The following EPG5 variants were observed in gnomAD, a reference collection of about 807,000 sequenced individuals.
EPG5 encodes the protein ectopic P granules protein 5 homolog.
EPG5 carries 159 observed loss-of-function variants against 302.7 expected under a neutral mutation model. That is an observed-to-expected ratio of 0.53 (90% CI 0.46 to 0.60). EPG5 has a LOEUF of 0.60. Ranked by LOEUF, EPG5 falls within the 20% of genes least tolerant of loss-of-function variation. The pLI is 0.00. For missense variants in EPG5, 2,896 were observed against 3,092.4 expected, an observed-to-expected ratio of 0.94 and a Z score of 1.51; for synonymous variants, 1,158 against 1,136.8, an observed-to-expected ratio of 1.02 and a Z score of -0.37.
intron 12 of EPG5, 101 bp from the exon 13 acceptor site, chr18:45,929,110 A>G: frequency 1.6e-6 from 2 of 1,229,664 alleles, no homozygotes; most frequent in Admixed American, 2.3e-5. Context: ...AGAATCTTAC[A>G]TTGAGCCTTA....
the EPG5 span, among the ~76,000 whole-genome samples, chr18:45,830,120 G>A: frequency 5.5e-4 from 66 of 119,570 alleles, no homozygotes; most frequent in African/African-American, 2.0e-3. Context: ...GCGTGACTAC[G>A]CCCACAGAAG....
At chr18:45,811,127 C>T in the EPG5 span, among the ~76,000 whole-genome samples, 1 of 152,132 alleles carries the variant, frequency 6.6e-6, no homozygotes. Context: ...CCCACTCTCA[C>T]CACTCCTCTT....
rs746441691 is a variant in EPG5 at position 45,910,624 on chromosome 18, T to C, written c.4102A>G (p.Lys1368Glu). ...CCCTCTGCTGGAACACGGAGGGCCTTGCTTGCAGCATGGTGGAAGTCAGCC... is the reference window on the plus strand; with the variant it reads ...CCCTCTGCTGGAACACGGAGGGCCTCGCTTGCAGCATGGTGGAAGTCAGCC... Reference protein sequence around the residue: ...EVADFHHAASKALRVPAEGSE... With the variant: ...EVADFHHAASEALRVPAEGSE... The change falls in exon 23 of 44, where the codon AAG becomes GAG. Residue 1368 changes from lysine (K) to glutamate (E), a missense_variant. Lys to Glu is a moderately conservative substitution (Grantham distance 56). This residue lies in a region of EPG5 where 790 missense variants were observed against 798.0 expected (regional missense o/e 0.99). Coordinates refer to ENST00000282041, the MANE Select transcript of EPG5 (RefSeq NM_020964.3). The C allele has an allele frequency of 1.2e-6, 2 of 1,614,198 alleles. No individual in the cohort carries two copies. Among genetic ancestry groups the C allele is most frequent in the Admixed American group, 3.3e-5 (2 of 60,028 alleles).
chr18:45,885,114 G>A (rs904547453), intron 29 of EPG5, among the ~76,000 whole-genome samples: 3 of 152,112 alleles, frequency 2.0e-5, no homozygotes, highest in Non-Finnish European at 2.9e-5. Flanking sequence ...CGAGGCAGGC[G>A]GATCACCTGA....
At chr18:45,933,430 G>C (rs923361858) in intron 11 of EPG5, among the ~76,000 whole-genome samples, 3 of 152,206 alleles carry the variant, frequency 2.0e-5, no homozygotes, top group African/African-American at 7.2e-5. Flanking sequence ...TATTATCCCA[G>C]CGTTTTGGGA....
intron 9 of EPG5, among the ~76,000 whole-genome samples, chr18:45,942,816 G>A (rs1337891643): frequency 6.6e-5 from 10 of 152,006 alleles, no homozygotes; most frequent in Non-Finnish European, 8.8e-5. Context: ...AAGAAAAGCA[G>A]TACATATTCT....
At chr18:45,825,621 G>A in the EPG5 span, 1 of 1,179,342 alleles carries the variant, frequency 8.5e-7, no homozygotes, top group Non-Finnish European at 1.2e-6. Context: ...AGATCTGAGT[G>A]CCCTGCCCAC....
intron 35 of EPG5, among the ~76,000 whole-genome samples, chr18:45,873,420 G>A (rs928773823): frequency 2.0e-5 from 3 of 151,902 alleles, no homozygotes; most frequent in African/African-American, 7.3e-5. Flanking sequence ...TGAGGCAGGA[G>A]AATCGCCTGA....
At chr18:45,911,929 C>A (rs1015640484) in intron 22 of EPG5, among the ~76,000 whole-genome samples, 1 of 152,126 alleles carries the variant, frequency 6.6e-6, no homozygotes, top group South Asian at 2.1e-4. Context: ...CACACGCGCA[C>A]CACTCATCAC....
rs535483536 is a variant in EPG5, at chr18:45,870,511, C to T, written c.6225+56G>A. On this transcript the variant is annotated intron_variant, in intron 36 of 43. Coordinates refer to ENST00000282041, the MANE Select transcript of EPG5 (RefSeq NM_020964.3). Reference sequence around the variant, plus strand: ...ATGCCTAACAACCACAGTGACCAGGCTGCTCCCTAGAAGCCAGATCTCTCT... The same window carrying T: ...ATGCCTAACAACCACAGTGACCAGGTTGCTCCCTAGAAGCCAGATCTCTCT... 33 of 1,517,114 alleles carry T rather than the reference C, an allele frequency of 2.2e-5. No homozygotes were observed. The East Asian group carries it at 7.5e-4, about 35-fold the overall frequency. 94.0% of individuals were successfully genotyped at this position (1,517,114 alleles called of 1,614,324 possible).
downstream of EPG5, among the ~76,000 whole-genome samples, chr18:45,847,219 T>C (rs966989701): frequency 1.3e-5 from 2 of 152,164 alleles, no homozygotes; most frequent in African/African-American, 4.8e-5. Flanking sequence ...AAAATAACAC[T>C]AAAGAGAACT....
At chr18:45,911,078 T>TACACACACACACAC (rs34212851) in intron 22 of EPG5, among the ~76,000 whole-genome samples, 1 of 135,334 alleles carries the variant, frequency 7.4e-6, no homozygotes, top group African/African-American at 2.8e-5. Context: ...TATCTATCTA[T>TACACACACACACAC]ACACACACAC....
At chr18:45,861,049 A>C (rs542172756) in intron 39 of EPG5, among the ~76,000 whole-genome samples, 2 of 152,324 alleles carry the variant, frequency 1.3e-5, no homozygotes, top group South Asian at 4.1e-4. Context: ...ATTTTTGCCA[A>C]CTCTTCTAGC....
the EPG5 span, among the ~76,000 whole-genome samples, chr18:45,812,161 T>C: frequency 2.6e-5 from 4 of 152,164 alleles, no homozygotes; most frequent in Non-Finnish European, 5.9e-5. Flanking sequence ...TGAACTCCCA[T>C]TTGCCATTGC....
Position 45,908,081 on chromosome 18 carries a change from C to A in EPG5, c.4206G>T (p.Arg1402Ser). 6.6e-7 allele frequency: 1 copy of A among 1,508,564 alleles called. No individual in the cohort carries two copies. The highest frequency in any genetic ancestry group is 9.0e-7 in the Non-Finnish European group (1 of 1,112,046). The allele number at this position is 1,508,564 out of a possible 1,614,324, so 93.4% of individuals were successfully genotyped here. A position where few individuals can be genotyped will look rare whatever the true frequency, so the allele number is the denominator to read the frequency against. ...TSPELHKELVRLFNVYILWLE... is the reference protein window; with the variant it reads ...TSPELHKELVSLFNVYILWLE... ...GCCATAATATATATACATTGAAGAGCCTAAAAGATAAAAACATAATTATAC... is the reference window on the plus strand; with the variant it reads ...GCCATAATATATATACATTGAAGAGACTAAAAGATAAAAACATAATTATAC... Residue 1402 changes from arginine (R) to serine (S), a missense_variant and splice_region_variant, in exon 24 of 44, where the codon AGG becomes AGT. Physicochemically the swap from Arg to Ser is moderately radical, Grantham distance 110. Coordinates refer to ENST00000282041, the MANE Select transcript of EPG5 (RefSeq NM_020964.3).
the EPG5 span, chr18:45,837,942 C>T: frequency 4.9e-6 from 7 of 1,432,108 alleles, no homozygotes; most frequent in Admixed American, 8.4e-5. Context: ...TCCCGCCCTC[C>T]CGCCTGCCCC....
At chr18:45,885,151 C>G (rs2049190519) in intron 29 of EPG5, among the ~76,000 whole-genome samples, 1 of 152,012 alleles carries the variant, frequency 6.6e-6, no homozygotes, top group Non-Finnish European at 1.5e-5. Context: ...CCAGCCTGGC[C>G]AACGTGGTGA....
rs572579790 is a variant in EPG5, at chr18:45,888,846, GT to G, written c.4953-940del. ...TATTAAAAATGTTCATATTTTGCAT[GT>G]AATTCATAATTTGTTATTTAACTTT... On this transcript the variant is annotated intron_variant, in intron 28 of 43. Transcript: ENST00000282041. Among the ~76,000 whole-genome samples, 1,061 of 152,284 alleles carry G rather than the reference GT, an allele frequency of 7.0e-3. 12 individuals carry two copies. The highest frequency in any genetic ancestry group is 0.024 in the African/African-American group (980 of 41,552).
chr18:45,840,099 A>C, the EPG5 span: 1 of 1,246,490 alleles, frequency 8.0e-7, no homozygotes, highest in East Asian at 2.5e-5. Flanking sequence ...TGTTTGCTTC[A>C]AAAACAGTGG....
Sources: gnomAD v4.1 joint callset for allele counts (sites outside exome capture counted in the v4.1 genomes callset) on GRCh38, gnomAD v4.1.1 for gene constraint, gnomAD v4.1.1 regional missense constraint, MANE v1.5 for transcripts, NCBI Gene and HGNC (gene_info 2026-07-23, HGNC 2026-07-21) for gene names.